Variants in FBN2 observed in about 807,000 individuals in gnomAD.
FBN2 encodes fibrillin-2.
FBN2 carries 105 observed loss-of-function variants against 355.6 expected under a neutral mutation model. The observed-to-expected ratio is 0.30, with a 90% CI of 0.25 to 0.35. FBN2 has a LOEUF of 0.35. Ranked by LOEUF, FBN2 falls within the 10% of genes least tolerant of loss-of-function variation. The probability of loss-of-function intolerance (pLI) is 1.00; values close to 1 mark genes in which losing one functional copy is unlikely to be tolerated. For synonymous variants in FBN2, 1,350 were observed against 1,301.2 expected (o/e 1.04, Z -0.81); for missense variants, 3,280 against 3,758.7 (o/e 0.87, Z 3.33).
At chr5:128,283,989 A>G (rs1471795036) in intron 55 of FBN2, among the ~76,000 whole-genome samples, 1 of 152,096 alleles carries the variant, frequency 6.6e-6, no homozygotes, top group Non-Finnish European at 1.5e-5. Context: ...CTCCTTTTCC[A>G]CACTATGGTG....
chr5:128,279,629 A>G (rs1765483325), intron 56 of FBN2, among the ~76,000 whole-genome samples: 1 of 152,104 alleles, frequency 6.6e-6, no homozygotes, highest in South Asian at 2.1e-4. Flanking sequence ...TAGCGCTCTT[A>G]TTTCTTTGTT....
chr5:128,396,394 C>G (rs1752651369), intron 8 of FBN2, among the ~76,000 whole-genome samples: 1 of 152,120 alleles, frequency 6.6e-6, no homozygotes, highest in African/African-American at 2.4e-5. Context: ...CCAGATGAGA[C>G]AGTTTCAAGA....
intron 7 of FBN2, among the ~76,000 whole-genome samples, chr5:128,417,221 T>C (rs1170655586): frequency 1.3e-5 from 2 of 152,238 alleles, no homozygotes; most frequent in Non-Finnish European, 2.9e-5. Flanking sequence ...GAAAATTTAC[T>C]GAATTTATTT....
At chr5:128,297,262 T>A (rs773931240) in intron 48 of FBN2, among the ~76,000 whole-genome samples, 8 of 152,294 alleles carry the variant, frequency 5.3e-5, no homozygotes, top group Admixed American at 5.2e-4. Context: ...TCCAAGTATG[T>A]GGTCAATTTT....
At chr5:128,324,375 G>A (rs1418987295) in intron 34 of FBN2, among the ~76,000 whole-genome samples, 1 of 152,124 alleles carries the variant, frequency 6.6e-6, no homozygotes, top group African/African-American at 2.4e-5. Flanking sequence ...TAATTGTGAT[G>A]TTAGCGTGTT....
Position 128,338,839 on chromosome 5 carries a change from C to T in FBN2, c.3472+94G>A, listed in dbSNP as rs141910697. 3.0e-4 allele frequency: 409 copies of T among 1,354,206 alleles called. 1 individual carries two copies. The African/African-American group carries it at 3.2e-3, about 10-fold the overall frequency. 83.9% of individuals were successfully genotyped at this position (1,354,206 alleles called of 1,614,324 possible). ...CACCACAGATGCTGGCCACACATGC[C>T]GTTCACAGCCCAGAGATAAGCAAAG... is the stretch of plus-strand genomic sequence containing the variant. On this transcript the variant is annotated intron_variant, in intron 26 of 64. Coordinates refer to ENST00000262464, the MANE Select transcript of FBN2 (RefSeq NM_001999.4).
rs1751644344 is a variant in FBN2 at position 128,361,758 on chromosome 5, C to T, written c.2519G>A (p.Gly840Glu). 6.2e-7 allele frequency: 1 copy of T among 1,613,962 alleles called. No homozygotes were observed. Among genetic ancestry groups the T allele is most frequent in the Non-Finnish European group, 8.5e-7 (1 of 1,179,990 alleles). ...CTCTGTCTCAGTCCTGAACACATAC[C>T]CTGGTGGGCACGTACAGCTGTAACT... ...PGSYSCTCPP[G>E]YVFRTETETC... Residue 840 changes from glycine to glutamate, a missense_variant, in exon 19 of 65, where the codon GGG becomes GAG. By Grantham distance (98) the Gly-to-Glu change is moderately conservative. Coordinates refer to ENST00000262464, the MANE Select transcript of FBN2 (RefSeq NM_001999.4).
At chr5:128,473,323 C>T (rs1326931957) in intron 5 of FBN2, among the ~76,000 whole-genome samples, 9 of 152,192 alleles carry the variant, frequency 5.9e-5, no homozygotes. Flanking sequence ...ACAATATCTT[C>T]TTGTTGAATT....
At chr5:128,389,689 C>A (rs1300200409) in intron 11 of FBN2, among the ~76,000 whole-genome samples, 1 of 152,220 alleles carries the variant, frequency 6.6e-6, no homozygotes, top group Non-Finnish European at 1.5e-5. Context: ...GCAGCTCTCC[C>A]ATGTCTCAAA....
At chr5:128,486,495 A>C (rs915413779) in intron 5 of FBN2, among the ~76,000 whole-genome samples, 1 of 152,162 alleles carries the variant, frequency 6.6e-6, no homozygotes, top group African/African-American at 2.4e-5. Context: ...TATTGTTCAC[A>C]ACACTCTAGT....
At chr5:128,309,892 C>T in intron 40 of FBN2, 91 bp downstream of exon 40, 3 of 1,420,874 alleles carry the variant, frequency 2.1e-6, no homozygotes, top group Non-Finnish European at 2.0e-6. Flanking sequence ...GACTGAACTT[C>T]CAAACTTCCA....
chr5:128,516,547 A>G (rs1439908791), intron 5 of FBN2, among the ~76,000 whole-genome samples: 1 of 152,154 alleles, frequency 6.6e-6, no homozygotes, highest in African/African-American at 2.4e-5. Flanking sequence ...GTCTGCCAAA[A>G]GCCCAGACAG....
chr5:128,473,884 C>T (rs1434769418), intron 5 of FBN2, among the ~76,000 whole-genome samples: 3 of 152,148 alleles, frequency 2.0e-5, no homozygotes, highest in Non-Finnish European at 2.9e-5. Flanking sequence ...CCACAGTTGC[C>T]TTGCATTTTA....
At chr5:128,321,746 T>G (rs1750380817) in intron 34 of FBN2, among the ~76,000 whole-genome samples, 1 of 152,222 alleles carries the variant, frequency 6.6e-6, no homozygotes, top group South Asian at 2.1e-4. Context: ...AGTGCTGCAA[T>G]AAACATATGT....
At chr5:128,380,663 A>G (rs1337690904) in intron 11 of FBN2, among the ~76,000 whole-genome samples, 5 of 152,112 alleles carry the variant, frequency 3.3e-5, no homozygotes, top group African/African-American at 7.2e-5. Context: ...TGACTTTACA[A>G]TTCCATATGA....
chr5:128,413,861 T>C (rs1287555092), intron 7 of FBN2, among the ~76,000 whole-genome samples: 2 of 152,192 alleles, frequency 1.3e-5, no homozygotes, highest in Non-Finnish European at 2.9e-5. Context: ...TTCTGTATAA[T>C]ATCTTTTTGA....
intron 6 of FBN2, among the ~76,000 whole-genome samples, chr5:128,453,990 G>GC (rs71713253): frequency 0.078 from 11,223 of 144,798 alleles, 623 homozygotes; most frequent in Admixed American, 0.21. Flanking sequence ...GAAATGGCTT[G>GC]CCCCCCCCCC....
chr5:128,490,297 C>A (rs1335743673), intron 5 of FBN2, among the ~76,000 whole-genome samples: 1 of 152,162 alleles, frequency 6.6e-6, no homozygotes, highest in Non-Finnish European at 1.5e-5. Context: ...GTTAGCCATA[C>A]TGATGGTGAG....
intron 60 of FBN2, among the ~76,000 whole-genome samples, 180 bp downstream of exon 60, chr5:128,274,387 T>C (rs1462682790): frequency 2.6e-5 from 4 of 152,326 alleles, no homozygotes; most frequent in East Asian, 1.9e-4. Flanking sequence ...GCCTTTTTTT[T>C]CCCTTTGGAT....
Sources: gnomAD v4.1 joint callset for allele counts (sites outside exome capture counted in the v4.1 genomes callset) on GRCh38, gnomAD v4.1.1 for gene constraint, MANE v1.5 for transcripts, NCBI Gene and HGNC (gene_info 2026-07-23, HGNC 2026-07-21) for gene names.